Variants in COL4A5 observed in about 807,000 individuals in gnomAD.
The protein encoded by COL4A5 is collagen type IV alpha 5 chain.
Under a neutral mutation model 130.2 loss-of-function variants are expected in COL4A5, and 26 were observed. The ratio of observed to expected loss-of-function variants is 0.20; its 90% confidence interval spans 0.15 to 0.28. The LOEUF is 0.28. Ranked by LOEUF, COL4A5 falls within the 10% of genes least tolerant of loss-of-function variation. The probability of loss-of-function intolerance (pLI) is 1.00; values close to 1 mark genes in which losing one functional copy is unlikely to be tolerated. For synonymous variants in COL4A5, 496 were observed against 439.6 expected (o/e 1.13, Z -1.60); for missense variants, 1,131 against 1,344.3 (o/e 0.84, Z 2.48).
At chrX:108,487,231 A>G (rs1302579127) in intron 1 of COL4A5, among the ~76,000 whole-genome samples, 1 of 110,138 alleles carries the variant, frequency 9.1e-6, no homozygotes, top group African/African-American at 3.3e-5. Flanking sequence ...TCTCTACTAA[A>G]AATACAAAAT....
chrX:108,473,838 G>T (rs990214715), intron 1 of COL4A5, among the ~76,000 whole-genome samples: 1 of 105,278 alleles, frequency 9.5e-6, no homozygotes, highest in Admixed American at 1.0e-4. Context: ...TACCATGTTG[G>T]CCAGGCTGGT....
chrX:108,646,336 A>G (rs1242863994), intron 36 of COL4A5, among the ~76,000 whole-genome samples: 2 of 111,933 alleles, frequency 1.8e-5, no homozygotes, highest in East Asian at 2.8e-4. Flanking sequence ...GCCAGTGAGG[A>G]TAAGCATTTT....
At chrX:108,677,385 T>G in intron 43 of COL4A5, 115 bp from the exon 44 acceptor site, 1 of 686,928 alleles carries the variant, frequency 1.5e-6, no homozygotes, top group Non-Finnish European at 2.2e-6. Flanking sequence ...ATTTTAATGT[T>G]GTGTGGGTTT....
At chrX:108,581,698 G>T (rs1413017502) in intron 16 of COL4A5, among the ~76,000 whole-genome samples, 2 of 110,895 alleles carry the variant, frequency 1.8e-5, no homozygotes, top group Non-Finnish European at 3.8e-5. Context: ...ATTGAATTGT[G>T]TATCAGTTCA....
chrX:108,629,523 T>A (rs1165268496), intron 36 of COL4A5, among the ~76,000 whole-genome samples: 1 of 110,999 alleles, frequency 9.0e-6, no homozygotes, highest in Non-Finnish European at 1.9e-5. Context: ...GTATGGAATA[T>A]GAGAGAGAGG....
At chrX:108,602,151 A>G (rs899732920) in intron 27 of COL4A5, among the ~76,000 whole-genome samples, 162 bp downstream of exon 27, 1 of 112,637 alleles carries the variant, frequency 8.9e-6, no homozygotes, top group Non-Finnish European at 1.9e-5. Context: ...CTGTAAGTTC[A>G]TTATCTTTAT....
intron 36 of COL4A5, among the ~76,000 whole-genome samples, chrX:108,648,721 A>G (rs1346619358): frequency 1.8e-5 from 2 of 111,677 alleles, no homozygotes; most frequent in Non-Finnish European, 3.8e-5. Flanking sequence ...CAGCGAAGTC[A>G]GCATACAAGG....
chrX:108,617,506 A>G lies in COL4A5; in HGVS notation c.2509+2482A>G, dbSNP rs767781302. On this transcript the variant is annotated intron_variant, in intron 30 of 52. Transcript: ENST00000328300. Reference sequence around the variant, plus strand: ...ACCTTTCTCTTTTCTAAACCAGGCTATACAGTTTAACACGGTTATAAGATA... The same window carrying G: ...ACCTTTCTCTTTTCTAAACCAGGCTGTACAGTTTAACACGGTTATAAGATA... Among the ~76,000 whole-genome samples, 4 of 111,964 alleles carry G rather than the reference A, an allele frequency of 3.6e-5. No individual in the cohort carries two copies. In the South Asian group the frequency reaches 1.1e-3, roughly 31 times the overall value.
chrX:108,645,894 T>G (rs1224501778), intron 36 of COL4A5, among the ~76,000 whole-genome samples: 1 of 110,810 alleles, frequency 9.0e-6, no homozygotes, highest in Non-Finnish European at 1.9e-5. Context: ...TCCATGTCCC[T>G]ACAAAGGACA....
intron 1 of COL4A5, among the ~76,000 whole-genome samples, chrX:108,481,857 A>G (rs2064895989): frequency 9.0e-6 from 1 of 111,469 alleles, no homozygotes; most frequent in Non-Finnish European, 1.9e-5. Context: ...GGTCAAGGGT[A>G]TATCTTCTGG....
chrX:108,595,743 G>T, intron 22 of COL4A5, 142 bp downstream of exon 22: 1 of 467,656 alleles, frequency 2.1e-6, no homozygotes, highest in Non-Finnish European at 3.6e-6. Context: ...GCCTCCATTT[G>T]TTATCAAATT....
intron 1 of COL4A5, among the ~76,000 whole-genome samples, chrX:108,475,959 A>G (rs2064829234): frequency 8.9e-6 from 1 of 111,796 alleles, no homozygotes; most frequent in Admixed American, 9.5e-5. Flanking sequence ...TTAAGGGTCT[A>G]TAGAGATGCT....
chrX:108,441,358 CTA>C (rs770145363), intron 1 of COL4A5, among the ~76,000 whole-genome samples: 1 of 112,348 alleles, frequency 8.9e-6, no homozygotes, highest in Non-Finnish European at 1.9e-5. Flanking sequence ...TAAGCAGCTG[CTA>C]TGTTACAGCT....
chrX:108,580,183 G>C (rs745715716), intron 13 of COL4A5, among the ~76,000 whole-genome samples: 1 of 111,442 alleles, frequency 9.0e-6, no homozygotes, highest in East Asian at 2.8e-4. Context: ...GAGGTTTGGG[G>C]TACAGATCCC....
intron 1 of COL4A5, among the ~76,000 whole-genome samples, chrX:108,460,760 G>A (rs376543170): frequency 2.0e-5 from 2 of 98,115 alleles, no homozygotes; most frequent in Admixed American, 1.2e-4. Context: ...CGCCTGCCTC[G>A]GCCTCCCAAA....
intron 1 of COL4A5, among the ~76,000 whole-genome samples, chrX:108,481,064 G>A (rs967166121): frequency 9.0e-6 from 1 of 111,292 alleles, no homozygotes; most frequent in Non-Finnish European, 1.9e-5. Context: ...CAGAACTGGG[G>A]AAATGACCAC....
chrX:108,651,512 A>C (rs1477465508), intron 36 of COL4A5, among the ~76,000 whole-genome samples: 1 of 111,699 alleles, frequency 9.0e-6, no homozygotes, highest in African/African-American at 3.2e-5. Context: ...CCCCACAATT[A>C]ACTTTGGGCA....
At chrX:108,513,785 CAA>C (rs61553177) in intron 1 of COL4A5, among the ~76,000 whole-genome samples, 10,232 of 111,237 alleles carry the variant, frequency 0.092, 1,081 homozygotes, top group African/African-American at 0.3. Flanking sequence ...TGCTTAATCT[CAA>C]GTCATGTTTT....
At chrX:108,602,873 A>G (rs1266421464) in intron 27 of COL4A5, 91 bp from the exon 28 acceptor site, 1 of 618,681 alleles carries the variant, frequency 1.6e-6, no homozygotes, top group East Asian at 3.6e-5. Flanking sequence ...TGTTGTCACT[A>G]AGCATGAGTA....
Sources: allele counts gnomAD v4.1 joint callset (sites outside exome capture counted in the v4.1 genomes callset), GRCh38; gene constraint gnomAD v4.1.1; transcripts MANE v1.5; gene names NCBI Gene and HGNC (gene_info 2026-07-23, HGNC 2026-07-21).